The following RYR1 variants were observed in gnomAD, a reference collection of about 807,000 sequenced individuals.
The protein encoded by RYR1 is ryanodine receptor 1.
RYR1 carries 342 observed loss-of-function variants against 583.5 expected under a neutral mutation model. That is an observed-to-expected ratio of 0.59 (90% CI 0.54 to 0.64). The LOEUF (loss-of-function observed/expected upper bound fraction) is 0.64, where lower values mean the gene tolerates loss of function less well. Among genes scored for constraint, RYR1 ranks in the 30% least tolerant of loss-of-function variants. RYR1 has a pLI of 0.00. For synonymous variants in RYR1, 2,791 were observed against 2,822.5 expected, an observed-to-expected ratio of 0.99 and a Z score of 0.35; for missense variants, 6,032 against 6,917.2, an observed-to-expected ratio of 0.87 and a Z score of 4.54.
At chr19:38,455,209 G>A in intron 13 of RYR1, 26 bp from the exon 14 acceptor site, 1 of 1,613,648 alleles carries the variant, frequency 6.2e-7, no homozygotes, top group Non-Finnish European at 8.5e-7. Flanking sequence ...CTCCTATTGT[G>A]ATGCCTCTTA....
intron 23 of RYR1, among the ~76,000 whole-genome samples, chr19:38,465,643 A>T (rs1427010868): frequency 6.6e-6 from 1 of 152,128 alleles, no homozygotes; most frequent in African/African-American, 2.4e-5. Flanking sequence ...ACATGCCTGT[A>T]ATCCCTGCTA....
At chr19:38,528,928 C>T in intron 75 of RYR1, 23 bp from the exon 76 acceptor site, 1 of 1,601,778 alleles carries the variant, frequency 6.2e-7, no homozygotes, top group Non-Finnish European at 8.5e-7. Flanking sequence ...AACCCTCTCC[C>T]CAAGTCTCCC....
chr19:38,447,307 G>A (rs1423646774), intron 9 of RYR1, among the ~76,000 whole-genome samples: 1 of 152,172 alleles, frequency 6.6e-6, no homozygotes. Flanking sequence ...TTGGGAGGCC[G>A]AGGCAGGTGG....
intron 38 of RYR1, 55 bp from the exon 39 acceptor site, chr19:38,494,297 C>T: frequency 6.2e-7 from 1 of 1,608,030 alleles, no homozygotes; most frequent in Non-Finnish European, 8.5e-7. Context: ...TCCAAGGCCC[C>T]ATGTGCCGAC....
At chr19:38,555,477 G>A (rs1972841148) in intron 89 of RYR1, among the ~76,000 whole-genome samples, 1 of 150,526 alleles carries the variant, frequency 6.6e-6, no homozygotes, top group Non-Finnish European at 1.5e-5. Flanking sequence ...GCATGTGTGT[G>A]TGCGCACGTG....
chr19:38,532,971 G>A (rs1971809894), intron 78 of RYR1, among the ~76,000 whole-genome samples: 2 of 152,102 alleles, frequency 1.3e-5, no homozygotes, highest in South Asian at 4.2e-4. Context: ...CTCAGGCAGA[G>A]GGGTCAGGGC....
chr19:38,523,265 A>C lies in RYR1; in HGVS notation c.10396A>C (p.Asn3466His). The change falls in exon 69 of 106, where the codon AAC (asparagine) becomes CAC (histidine). Residue 3466 changes from asparagine to histidine, a missense_variant. Physicochemically the swap from Asn to His is moderately conservative, Grantham distance 68 (BLOSUM62 1). Around this residue, in one of 11 missense-constraint regions of RYR1, gnomAD observed 1,493 missense variants for 1,715.5 expected, o/e 0.87. Transcript: ENST00000359596. ...QNFVVQNEIN[N>H]MSFLTADNKS... ...CTTTGTGGTCCAGAATGAGATCAAC[A>C]ACATGTCCTTCCTGACTGCTGACAA... 1 of 1,614,242 alleles carries C rather than the reference A, an allele frequency of 6.2e-7. No homozygotes were observed. The highest frequency in any genetic ancestry group is 1.1e-5 in the South Asian group (1 of 91,084).
intron 28 of RYR1, 88 bp downstream of exon 28, chr19:38,473,859 G>A (rs1022278408): frequency 2.3e-5 from 22 of 949,162 alleles, no homozygotes; most frequent in African/African-American, 5.0e-5. Flanking sequence ...AACCCCCATT[G>A]TACCCCAAAG....
chr19:38,500,726 G>T lies in RYR1; in HGVS notation c.7444G>T (p.Asp2482Tyr). The T allele has an allele frequency of 1.2e-6, 2 of 1,614,172 alleles. No homozygotes were observed. Among genetic ancestry groups the T allele is most frequent in the Non-Finnish European group, 1.7e-6 (2 of 1,180,026 alleles). The change falls in exon 46 of 106, where the codon GAT becomes TAT. Residue 2482 changes from aspartate to tyrosine, a missense_variant and splice_region_variant. Asp to Tyr is a radical substitution (Grantham distance 160). Around this residue, in one of 11 missense-constraint regions of RYR1, gnomAD observed 2,627 missense variants for 2,961.3 expected, o/e 0.89. Coordinates refer to ENST00000359596, the MANE Select transcript of RYR1 (RefSeq NM_000540.3). The surrounding 1 kb of genome is among the most constrained non-coding windows in gnomAD (Gnocchi z 5.9). ...LPLQIPTLGK[D>Y]GALVQPKMSA... is the part of the protein sequence containing the mutation. ...ACTGCAGATTCCCACCCTGGGCAAAGGTGCAGAGGGGATGGAACTTGGCGA... is the reference window on the plus strand; with the variant it reads ...ACTGCAGATTCCCACCCTGGGCAAATGTGCAGAGGGGATGGAACTTGGCGA...
At chr19:38,473,893 G>A (rs1968574437) in intron 28 of RYR1, 122 bp downstream of exon 28, 3 of 712,328 alleles carry the variant, frequency 4.2e-6, no homozygotes, top group East Asian at 5.5e-5. Context: ...GCTAAGTGGA[G>A]TAAGAATACC....
rs1481795333 is a variant in RYR1, at chr19:38,458,124, G to T, written c.1999G>T (p.Val667Leu). 6.2e-7 allele frequency: 1 copy of T among 1,614,012 alleles called. No homozygotes were observed. Among genetic ancestry groups the T allele is most frequent in the Non-Finnish European group, 8.5e-7 (1 of 1,180,028 alleles). ...QYSKWYFEVM[V>L]DEVTPFLTAQ... ...CAGCAAATGGTACTTTGAGGTGATG[G>T]TGGACGAGGTGACTCCATTTCTGAC... Residue 667 changes from valine to leucine, a missense_variant, in exon 18 of 106, where the codon GTG becomes TTG. Transcript: ENST00000359596.
chr19:38,503,549 G>T (rs1341916929), intron 49 of RYR1, among the ~76,000 whole-genome samples: 1 of 152,106 alleles, frequency 6.6e-6, no homozygotes, highest in African/African-American at 2.4e-5. Flanking sequence ...GAGGTGGGCA[G>T]ATCACTTGAG....
intron 20 of RYR1, among the ~76,000 whole-genome samples, chr19:38,462,450 C>T (rs1303821677): frequency 1.3e-5 from 2 of 151,812 alleles, no homozygotes; most frequent in South Asian, 2.1e-4. Flanking sequence ...CATCCCCCAG[C>T]CTGTCAGCCT....
At chr19:38,452,259 A>C (rs919586752) in intron 12 of RYR1, among the ~76,000 whole-genome samples, 4 of 151,906 alleles carry the variant, frequency 2.6e-5, no homozygotes, top group African/African-American at 9.7e-5. Flanking sequence ...CAATATAGTG[A>C]AACCCTGTCT....
chr19:38,469,344 G>A lies in RYR1; in HGVS notation c.3596G>A (p.Gly1199Asp). 1 of 1,614,030 alleles carries A rather than the reference G, an allele frequency of 6.2e-7. No individual in the cohort carries two copies. Among genetic ancestry groups the A allele is most frequent in the Non-Finnish European group, 8.5e-7 (1 of 1,180,034 alleles). Residue 1199 changes from glycine (G) to aspartate (D), a missense_variant, in exon 27 of 106, where the codon GGT (glycine) becomes GAT (aspartate). This residue lies in a region of RYR1 where 2,627 missense variants were observed against 2,961.3 expected (regional missense o/e 0.89). Coordinates refer to ENST00000359596, the MANE Select transcript of RYR1 (RefSeq NM_000540.3). ...TGCAGCTTGGGACCTGGCCAGGTGGGTCATCTGAACCTGGGCCAGGACGTG... is the reference window on the plus strand; with the variant it reads ...TGCAGCTTGGGACCTGGCCAGGTGGATCATCTGAACCTGGGCCAGGACGTG... ...PVCSLGPGQV[G>D]HLNLGQDVSS...
rs1342948828 is a variant in RYR1 at position 38,587,475 on chromosome 19, G to A, written c.*55G>A. 4 of 1,305,788 alleles carry A rather than the reference G, an allele frequency of 3.1e-6. No homozygotes were observed. The highest frequency in any genetic ancestry group is 4.4e-6 in the Non-Finnish European group (4 of 900,962). 80.9% of individuals were successfully genotyped at this position (1,305,788 alleles called of 1,614,324 possible). A position where few individuals can be genotyped will look rare whatever the true frequency, so the allele number is the denominator to read the frequency against. On this transcript the variant is annotated 3_prime_UTR_variant, in exon 106 of 106. Coordinates refer to ENST00000359596, the MANE Select transcript of RYR1 (RefSeq NM_000540.3). ...CTCAAGTGCCTTATTCTCACAGCAAGCCCCTTAGTCCCCAAGCCCCTCCCC... is the reference window on the plus strand; with the variant it reads ...CTCAAGTGCCTTATTCTCACAGCAAACCCCTTAGTCCCCAAGCCCCTCCCC...
intron 71 of RYR1, 41 bp from the exon 72 acceptor site, chr19:38,526,952 T>A: frequency 6.2e-7 from 1 of 1,605,372 alleles, no homozygotes; most frequent in South Asian, 1.1e-5. Context: ...GGAAGGAGGA[T>A]GGGACCTCCA....
At chr19:38,464,148 AC>A (rs1967953125) in intron 22 of RYR1, among the ~76,000 whole-genome samples, 1 of 151,650 alleles carries the variant, frequency 6.6e-6, no homozygotes, top group Non-Finnish European at 1.5e-5. Flanking sequence ...GTGGTGGTGC[AC>A]CTCTGTAATC....
At chr19:38,529,127 C>T in intron 76 of RYR1, 70 bp downstream of exon 76, 7 of 1,516,278 alleles carry the variant, frequency 4.6e-6, no homozygotes, top group Non-Finnish European at 6.4e-6. Flanking sequence ...CAGCAGCTTC[C>T]CTGTGCCTCA....
Sources: allele counts gnomAD v4.1 joint callset (sites outside exome capture counted in the v4.1 genomes callset), GRCh38; gene constraint gnomAD v4.1.1; regional missense constraint gnomAD v4.1.1; non-coding constraint Gnocchi (gnomAD v3.1); transcripts MANE v1.5; gene names NCBI Gene and HGNC (gene_info 2026-07-23, HGNC 2026-07-21).